The following IMMP1L variants were observed in gnomAD, a reference collection of about 807,000 sequenced individuals.
The protein encoded by IMMP1L is inner mitochondrial membrane peptidase subunit 1, also known as mitochondrial inner membrane protease subunit 1.
In IMMP1L, 24 loss-of-function variants were observed where a neutral mutation model predicts 21.8. The observed-to-expected ratio is 1.10, with a 90% CI of 0.80 to 1.55. IMMP1L has a LOEUF of 1.55. Among genes scored for constraint, IMMP1L ranks in the 40% most tolerant of loss-of-function variants. IMMP1L has a pLI of 0.00. For missense variants in IMMP1L, 195 were observed against 200.7 expected (o/e 0.97, Z 0.17); for synonymous variants, 46 against 62.8 (o/e 0.73, Z 1.26).
chr11:31,507,281 G>GAA (rs112201179), intron 1 of IMMP1L, among the ~76,000 whole-genome samples: 1 of 146,466 alleles, frequency 6.8e-6, no homozygotes, highest in African/African-American at 2.5e-5. Flanking sequence ...CTCCGTCTCA[G>GAA]AAAAAAAAAA....
intron 1 of IMMP1L, among the ~76,000 whole-genome samples, chr11:31,476,045 A>T (rs1954719636): frequency 6.6e-6 from 1 of 152,168 alleles, no homozygotes; most frequent in African/African-American, 2.4e-5. Context: ...ATAGAAAGTT[A>T]TGCTGAGATA....
At chr11:31,450,045 G>T (rs1953687530) in intron 4 of IMMP1L, among the ~76,000 whole-genome samples, 1 of 152,160 alleles carries the variant, frequency 6.6e-6, no homozygotes, top group Non-Finnish European at 1.5e-5. Context: ...GGTTTTAATT[G>T]AAAGACTTAA....
intron 4 of IMMP1L, among the ~76,000 whole-genome samples, chr11:31,455,480 T>G (rs563960403): frequency 6.6e-6 from 1 of 152,342 alleles, no homozygotes; most frequent in African/African-American, 2.4e-5. Flanking sequence ...TCTTCCATTT[T>G]ACTGTTCTTG....
intron 1 of IMMP1L, among the ~76,000 whole-genome samples, chr11:31,484,897 G>A (rs984908370): frequency 1.3e-5 from 2 of 151,796 alleles, no homozygotes; most frequent in African/African-American, 4.8e-5. Flanking sequence ...ACTTAGAAAG[G>A]TTAAAAGCAA....
chr11:31,470,212 G>T (rs113223539), intron 1 of IMMP1L, among the ~76,000 whole-genome samples: 1 of 152,066 alleles, frequency 6.6e-6, no homozygotes, highest in African/African-American at 2.4e-5. Flanking sequence ...TCGGGAGTTC[G>T]AGAGCAGCCT....
At chr11:31,503,267 T>C (rs1955678935) in intron 1 of IMMP1L, among the ~76,000 whole-genome samples, 1 of 152,162 alleles carries the variant, frequency 6.6e-6, no homozygotes, top group Non-Finnish European at 1.5e-5. Context: ...GAGCAGCTAG[T>C]GCACGCTCTT....
At chr11:31,439,823 G>T (rs1332218288) in intron 4 of IMMP1L, among the ~76,000 whole-genome samples, 3 of 152,112 alleles carry the variant, frequency 2.0e-5, no homozygotes, top group African/African-American at 7.2e-5. Context: ...TTTTTCCAGA[G>T]TCTCTACTGA....
chr11:31,432,870 A>T (rs1016920711), intron 5 of IMMP1L, among the ~76,000 whole-genome samples: 3 of 152,206 alleles, frequency 2.0e-5, no homozygotes, highest in African/African-American at 7.2e-5. Context: ...TGCAAGTAAG[A>T]GTTAACTGTG....
At chr11:31,453,932 G>A (rs1048289433) in intron 4 of IMMP1L, among the ~76,000 whole-genome samples, 1 of 152,180 alleles carries the variant, frequency 6.6e-6, no homozygotes, top group African/African-American at 2.4e-5. Context: ...AGATTCTGAA[G>A]CCACTATATG....
intron 1 of IMMP1L, among the ~76,000 whole-genome samples, chr11:31,470,799 C>G (rs1211771106): frequency 6.6e-6 from 1 of 152,054 alleles, no homozygotes; most frequent in African/African-American, 2.4e-5. Context: ...CCACAAAAAC[C>G]AATGAAATCC....
intron 1 of IMMP1L, among the ~76,000 whole-genome samples, chr11:31,494,934 G>A (rs1477773698): frequency 3.9e-5 from 6 of 152,072 alleles, no homozygotes; most frequent in South Asian, 2.1e-4. Flanking sequence ...GTGAGCCACC[G>A]CGACCAGCCC....
At chr11:31,496,113 C>A (rs1955424179) in intron 1 of IMMP1L, among the ~76,000 whole-genome samples, 1 of 122,436 alleles carries the variant, frequency 8.2e-6, no homozygotes. Flanking sequence ...ACTCAAAAAC[C>A]CGCAAAAAAA....
At position 31,460,633 on chromosome 11, in the gene IMMP1L, T is replaced by C; in HGVS notation, c.187A>G (p.Ile63Val). ...TCCATGACAGAAATTTACCTTTGGATACCATAAAAATGTCGACTAAGATTT... is the reference window on the plus strand; with the variant it reads ...TCCATGACAGAAATTTACCTTTGGACACCATAAAAATGTCGACTAAGATTT... ...AENLSRHFYG[I>V]QRGDIVIAKS... The change falls in exon 3 of 6, where the codon ATC (isoleucine) becomes GTC (valine). Residue 63 changes from isoleucine to valine, a missense_variant. Physicochemically the swap from Ile to Val is conservative, Grantham distance 29 (BLOSUM62 3). Transcript: ENST00000532287. The C allele has an allele frequency of 6.3e-7, 1 of 1,593,340 alleles. No homozygotes were observed. The highest frequency in any genetic ancestry group is 2.2e-5 in the East Asian group (1 of 44,632).
chr11:31,444,201 A>G (rs1043913690), intron 4 of IMMP1L, among the ~76,000 whole-genome samples: 2 of 152,200 alleles, frequency 1.3e-5, no homozygotes, highest in Non-Finnish European at 2.9e-5. Flanking sequence ...AATACCTTAC[A>G]GAAATACTAT....
chr11:31,468,249 A>T (rs1954428320), intron 1 of IMMP1L, among the ~76,000 whole-genome samples: 1 of 152,182 alleles, frequency 6.6e-6, no homozygotes, highest in Non-Finnish European at 1.5e-5. Flanking sequence ...TCTTAACAAT[A>T]TGCTACGTAG....
At chr11:31,462,416 C>A (rs558872600) in intron 2 of IMMP1L, among the ~76,000 whole-genome samples, 2 of 149,468 alleles carry the variant, frequency 1.3e-5, no homozygotes, top group East Asian at 3.9e-4. Context: ...ATAAAGTAAA[C>A]CTAATTTAAA....
chr11:31,503,425 A>G (rs1208647578), intron 1 of IMMP1L, among the ~76,000 whole-genome samples: 1 of 152,216 alleles, frequency 6.6e-6, no homozygotes, highest in Non-Finnish European at 1.5e-5. Flanking sequence ...TTAAACAGAA[A>G]GTAGAAAGTA....
At chr11:31,433,316 ATTAAG>A (rs763537483) in intron 5 of IMMP1L, 139 bp downstream of exon 5, 138 of 523,110 alleles carry the variant, frequency 2.6e-4, no homozygotes, top group South Asian at 9.9e-4. Flanking sequence ...GCATATGGCT[ATTAAG>A]TTAAGGCCAA....
chr11:31,450,396 T>A (rs1011870685), intron 4 of IMMP1L, among the ~76,000 whole-genome samples: 1 of 134,244 alleles, frequency 7.4e-6, no homozygotes, highest in Non-Finnish European at 1.5e-5. Flanking sequence ...CCCAATACTT[T>A]AGGAGACTTA....
Sources: allele counts gnomAD v4.1 joint callset (sites outside exome capture counted in the v4.1 genomes callset), GRCh38; gene constraint gnomAD v4.1.1; transcripts MANE v1.5; gene names NCBI Gene and HGNC (gene_info 2026-07-23, HGNC 2026-07-21).